MAGEC1: variants seen among roughly 807,000 people sequenced by gnomAD.
MAGEC1 encodes melanoma-associated antigen C1.
Under a neutral mutation model 1.5 loss-of-function variants are expected in MAGEC1, and 3 were observed. The observed-to-expected ratio is 1.97, with a 90% CI of 0.90 to 5.10. The LOEUF is 5.10. Ranked by LOEUF, MAGEC1 falls within the 30% of genes most tolerant of loss-of-function variation. MAGEC1 has a pLI of 0.02. For missense variants in MAGEC1, 985 were observed against 803.1 expected, an observed-to-expected ratio of 1.23 and a Z score of -2.74; for synonymous variants, 357 against 310.4, an observed-to-expected ratio of 1.15 and a Z score of -1.58.
intron 3 of MAGEC1, 33 bp downstream of exon 3, chrX:141,905,109 C>G: frequency 8.3e-7 from 1 of 1,209,603 alleles, no homozygotes; most frequent in Middle Eastern, 2.3e-4. Context: ...CTGGCACTGT[C>G]CCTCTCTCCC....
rs1319306146 is a variant in MAGEC1 at position 141,908,715 on chromosome X, A to C, written c.3311A>C (p.Lys1104Thr). The C allele has an allele frequency of 1.7e-6, 2 of 1,209,885 alleles. No individual in the cohort carries two copies. The highest frequency in any genetic ancestry group is 3.5e-5 in the African/African-American group (2 of 57,173). The part of the protein sequence containing the change: ...TVPITFPSSY[K>T]DALKDVEERA... Reference sequence around the variant, plus strand: ...CCTATTACCTTTCCATCCTCTTACAAGGATGCTTTGAAAGATGTGGAAGAG... The same window carrying C: ...CCTATTACCTTTCCATCCTCTTACACGGATGCTTTGAAAGATGTGGAAGAG... The change falls in exon 4 of 4, where the codon AAG (lysine) becomes ACG (threonine). Residue 1104 changes from lysine to threonine, a missense_variant. Transcript: ENST00000285879.
intron 1 of MAGEC1, 74 bp downstream of exon 1, chrX:141,904,052 C>G (rs778947781): frequency 9.0e-6 from 1 of 111,724 alleles, no homozygotes; most frequent in Non-Finnish European, 1.9e-5. Flanking sequence ...CCTATCCCTG[C>G]GGTGGCACTT....
Position 141,906,877 on chromosome X carries a change from A to G in MAGEC1, c.1473A>G (p.Leu491=). 8.3e-7 allele frequency: 1 copy of G among 1,207,826 alleles called. No homozygotes were observed. Among genetic ancestry groups the G allele is most frequent in the Non-Finnish European group, 1.1e-6 (1 of 894,405 alleles). The change falls in exon 4 of 4, where the codon TTA becomes TTG. Residue 491 remains leucine (L), a synonymous_variant. Transcript: ENST00000285879. ...GCTCCTCCTCCTCCTCCTCCACTTT[A>G]TTGAGTCTTTTCCAGAGTTCCCCTG... ...PVSSSSSSST[L]LSLFQSSPEC...
Position 141,905,723 on chromosome X carries a change from G to A in MAGEC1, c.319G>A (p.Asp107Asn), listed in dbSNP as rs267606370. The A allele has an allele frequency of 8.3e-7, 1 of 1,211,470 alleles. No individual in the cohort carries two copies. Among genetic ancestry groups the A allele is most frequent in the Non-Finnish European group, 1.1e-6 (1 of 895,173 alleles). ...QNSQSSPEGK[D>N]SLSPLEISQS... ...TTCTCAGAGTTCTCCTGAGGGGAAG[G>A]ACTCCCTGTCTCCTCTAGAGATTTC... Residue 107 changes from aspartate (D) to asparagine (N), a missense_variant, in exon 4 of 4, where the codon GAC becomes AAC. Transcript: ENST00000285879.
Position 141,908,238 on chromosome X carries a change from A to G in MAGEC1, c.2834A>G (p.Tyr945Cys), listed in dbSNP as rs775918000. Reference sequence around the variant, plus strand: ...AATGTCATCAGCAGGTACACGGGCTACTTTCCTGTGATCTTCAGGAAAGCC... The same window carrying G: ...AATGTCATCAGCAGGTACACGGGCTGCTTTCCTGTGATCTTCAGGAAAGCC... ...LTNVISRYTGYFPVIFRKARE... is the reference protein window; with the variant it reads ...LTNVISRYTGCFPVIFRKARE... Residue 945 changes from tyrosine to cysteine, a missense_variant, in exon 4 of 4, where the codon TAC becomes TGC. By Grantham distance (194) the Tyr-to-Cys change is radical. Coordinates refer to ENST00000285879, the MANE Select transcript of MAGEC1 (RefSeq NM_005462.5). 4.1e-6 allele frequency: 5 copies of G among 1,211,691 alleles called. No homozygotes were observed. In the South Asian group the frequency reaches 5.3e-5, roughly 13 times the overall value.
In MAGEC1 at chrX:141,908,929, T is replaced by C; in HGVS notation, c.*96T>C. ...TGAGGCTGGAGAGAACACAGTGCTA[T>C]TTGCATTTCTGTTCCATATGGGTAG... On this transcript the variant is annotated 3_prime_UTR_variant, in exon 4 of 4. Transcript: ENST00000285879. 3.9e-6 allele frequency: 3 copies of C among 765,074 alleles called. No homozygotes were observed. Among genetic ancestry groups the C allele is most frequent in the Non-Finnish European group, 5.5e-6 (3 of 542,788 alleles). 63.1% of individuals were successfully genotyped at this position (765,074 alleles called of 1,213,427 possible). A position where few individuals can be genotyped will look rare whatever the true frequency, so the allele number is the denominator to read the frequency against.
chrX:141,905,399 C>A lies in MAGEC1; in HGVS notation c.5-10C>A. ...ATCCTCATCCTCCTCTCTGCTTCTG[C>A]GTTCTCCAGGGGACAAGGATATGCC... On this transcript the variant is annotated splice_polypyrimidine_tract_variant and intron_variant, in intron 3 of 3. Transcript: ENST00000285879. 1 of 1,197,539 alleles carries A rather than the reference C, an allele frequency of 8.4e-7. No homozygotes were observed. The highest frequency in any genetic ancestry group is 1.1e-6 in the Non-Finnish European group (1 of 886,672).
At chrX:141,905,248 A>G (rs900039891) in intron 3 of MAGEC1, among the ~76,000 whole-genome samples, 161 bp from the exon 4 acceptor site, 1 of 112,224 alleles carries the variant, frequency 8.9e-6, no homozygotes, top group Non-Finnish European at 1.9e-5. Flanking sequence ...TCCAGAAGGC[A>G]ATTTTCATAC....
chrX:141,907,204 T>C lies in MAGEC1; in HGVS notation c.1800T>C (p.Pro600=), dbSNP rs759344799. ...CTCACTACTTTCCTCAGAGCCCTCC[T>C]CAGGGGGAGGACTCCATGTCTCCTC... ...LSPHYFPQSP[P]QGEDSMSPLY... is the part of the protein sequence containing the mutation. The change falls in exon 4 of 4, where the codon CCT becomes CCC. Residue 600 remains proline, a synonymous_variant. Coordinates refer to ENST00000285879, the MANE Select transcript of MAGEC1 (RefSeq NM_005462.5). 3.3e-6 allele frequency: 4 copies of C among 1,210,733 alleles called. No homozygotes were observed. The highest frequency in any genetic ancestry group is 4.5e-6 in the Non-Finnish European group (4 of 895,043).
In MAGEC1 at chrX:141,906,560, C is replaced by G. The variant is rs60520741; in HGVS notation, c.1156C>G (p.Leu386Val). The G allele has an allele frequency of 1.0e-3, 1,203 of 1,152,618 alleles. 13 individuals carry two copies. The African/African-American group carries it at 0.019, about 18-fold the overall frequency. 95.0% of individuals were successfully genotyped at this position (1,152,618 alleles called of 1,213,427 possible). The change falls in exon 4 of 4, where the codon CTG becomes GTG. Residue 386 changes from leucine (L) to valine (V), a missense_variant. Leu to Val is a conservative substitution (Grantham distance 32, BLOSUM62 1). Transcript: ENST00000285879. ...PGSPSFSSTL[L>V]SLFQSSPERT... ...GAGCCCCTCCTTCTCCTCCACTTTACTGAGTCTTTTCCAGAGTTCCCCTGA... is the reference window on the plus strand; with the variant it reads ...GAGCCCCTCCTTCTCCTCCACTTTAGTGAGTCTTTTCCAGAGTTCCCCTGA...
chrX:141,908,719 T>A lies in MAGEC1; in HGVS notation c.3315T>A (p.Asp1105Glu), dbSNP rs1018952052. Residue 1105 changes from aspartate to glutamate, a missense_variant, in exon 4 of 4, where the codon GAT (aspartate) becomes GAA (glutamate). Physicochemically the swap from Asp to Glu is conservative, Grantham distance 45. Coordinates refer to ENST00000285879, the MANE Select transcript of MAGEC1 (RefSeq NM_005462.5). Reference sequence around the variant, plus strand: ...TTACCTTTCCATCCTCTTACAAGGATGCTTTGAAAGATGTGGAAGAGAGAG... The same window carrying A: ...TTACCTTTCCATCCTCTTACAAGGAAGCTTTGAAAGATGTGGAAGAGAGAG... ...VPITFPSSYK[D>E]ALKDVEERAQ... 8.3e-7 allele frequency: 1 copy of A among 1,211,464 alleles called. No individual in the cohort carries two copies. The highest frequency in any genetic ancestry group is 3.0e-5 in the East Asian group (1 of 33,816).
Position 141,906,754 on chromosome X carries a change from T to C in MAGEC1, c.1350T>C (p.Ser450=), listed in dbSNP as rs59536220. The C allele has an allele frequency of 2.2e-5, 26 of 1,176,870 alleles. No homozygotes were observed. Among genetic ancestry groups the C allele is most frequent in the Admixed American group, 4.6e-5 (2 of 43,253 alleles). The part of the protein sequence containing the change: ...QSPLQIPVSS[S]FSYTLLSLFQ... ...CTCTCCAGATTCCTGTGAGCTCCTC[T>C]TTCTCCTACACTTTATTGAGTCTTT... is the stretch of plus-strand genomic sequence containing the variant. The change falls in exon 4 of 4, where the codon TCT becomes TCC. Residue 450 remains serine (S), a synonymous_variant. Transcript: ENST00000285879.
At position 141,908,263 on chromosome X, in the gene MAGEC1, C is replaced by A. The variant is rs1927019444; in HGVS notation, c.2859C>A (p.Ala953=). The change falls in exon 4 of 4, where the codon GCC becomes GCA. Residue 953 remains alanine (A), a synonymous_variant. Coordinates refer to ENST00000285879, the MANE Select transcript of MAGEC1 (RefSeq NM_005462.5). The stretch of plus-strand genomic sequence containing the variant: ...ACTTTCCTGTGATCTTCAGGAAAGC[C>A]CGTGAGTTCATAGAGATACTTTTTG... The part of the protein sequence containing the change: ...TGYFPVIFRK[A]REFIEILFGI... The A allele has an allele frequency of 6.6e-6, 8 of 1,211,299 alleles. No homozygotes were observed. Among genetic ancestry groups the A allele is most frequent in the Non-Finnish European group, 8.9e-6 (8 of 895,337 alleles).
chrX:141,908,348 C>G lies in MAGEC1; in HGVS notation c.2944C>G (p.Leu982Val). The G allele has an allele frequency of 1.7e-6, 2 of 1,211,323 alleles. No individual in the cohort carries two copies. The highest frequency in any genetic ancestry group is 2.2e-6 in the Non-Finnish European group (2 of 895,399). Residue 982 changes from leucine (L) to valine (V), a missense_variant, in exon 4 of 4, where the codon CTC (leucine) becomes GTC (valine). Coordinates refer to ENST00000285879, the MANE Select transcript of MAGEC1 (RefSeq NM_005462.5). ...DSYVFVNTLDLTSEGCLSDEQ... is the reference protein window; with the variant it reads ...DSYVFVNTLDVTSEGCLSDEQ... ...CTATGTCTTTGTAAACACATTAGAC[C>G]TCACCTCTGAGGGGTGTCTGAGTGA... is the stretch of plus-strand genomic sequence containing the variant.
rs144210857 is a variant in MAGEC1, at chrX:141,906,579, C to T, written c.1175C>T (p.Ser392Phe). Residue 392 changes from serine to phenylalanine, a missense_variant, in exon 4 of 4, where the codon TCC (serine) becomes TTC (phenylalanine). Coordinates refer to ENST00000285879, the MANE Select transcript of MAGEC1 (RefSeq NM_005462.5). ...SSTLLSLFQS[S>F]PERTHSTFEG... Reference sequence around the variant, plus strand: ...ACTTTACTGAGTCTTTTCCAGAGTTCCCCTGAGAGAACTCACAGTACTTTT... The same window carrying T: ...ACTTTACTGAGTCTTTTCCAGAGTTTCCCTGAGAGAACTCACAGTACTTTT... The T allele has an allele frequency of 1.4e-4, 173 of 1,197,506 alleles. 1 individual carries two copies. In the African/African-American group the frequency reaches 2.7e-3, roughly 18 times the overall value.
In MAGEC1 at chrX:141,904,956, G is replaced by A. The variant is rs768878053; in HGVS notation, c.-103-14G>A. 2.1e-5 allele frequency: 23 copies of A among 1,102,511 alleles called. No homozygotes were observed. The highest frequency in any genetic ancestry group is 3.3e-4 in the Middle Eastern group (1 of 2,996). The allele number at this position is 1,102,511 out of a possible 1,213,427, so 90.9% of individuals were successfully genotyped here. A position where few individuals can be genotyped will look rare whatever the true frequency, so the allele number is the denominator to read the frequency against. On this transcript the variant is annotated splice_polypyrimidine_tract_variant and intron_variant, in intron 2 of 3. Transcript: ENST00000285879. ...CAGCTGTGCCCCGAGGTGCTTTCTC[G>A]CGTCCTTCTACAGGTTCCCAGAAGA...
At chrX:141,905,320 C>T (rs2018171585) in intron 3 of MAGEC1, 89 bp from the exon 4 acceptor site, 1 of 928,074 alleles carries the variant, frequency 1.1e-6, no homozygotes, top group African/African-American at 2.0e-5. Flanking sequence ...CCTCCATTTT[C>T]TCTTCCTCTT....
intron 2 of MAGEC1, 40 bp from the exon 3 acceptor site, chrX:141,904,930 C>A: frequency 1.1e-6 from 1 of 926,780 alleles, no homozygotes; most frequent in Non-Finnish European, 1.5e-6. Context: ...GCTCTGCCTG[C>A]CAGCTGTGCC....
At position 141,905,796 on chromosome X, in the gene MAGEC1, C is replaced by T. The variant is rs750615193; in HGVS notation, c.392C>T (p.Pro131Leu). 72 of 1,211,201 alleles carry T rather than the reference C, an allele frequency of 5.9e-5. No homozygotes were observed. In the East Asian group the frequency reaches 2.0e-3, roughly 34 times the overall value. Residue 131 changes from proline to leucine, a missense_variant, in exon 4 of 4, where the codon CCT becomes CTT. Transcript: ENST00000285879. ...GEDVQSPLQNPASSFFSSALL... is the reference protein window; with the variant it reads ...GEDVQSPLQNLASSFFSSALL... ...GATGTCCAGTCTCCTCTGCAGAATCCTGCGAGTTCCTTCTTCTCCTCTGCT... is the reference window on the plus strand; with the variant it reads ...GATGTCCAGTCTCCTCTGCAGAATCTTGCGAGTTCCTTCTTCTCCTCTGCT...
Sources: gnomAD v4.1 joint callset for allele counts (sites outside exome capture counted in the v4.1 genomes callset) on GRCh38, gnomAD v4.1.1 for gene constraint, MANE v1.5 for transcripts, NCBI Gene and HGNC (gene_info 2026-07-23, HGNC 2026-07-21) for gene names.